Variants in PCDHA10 observed in about 807,000 individuals in gnomAD.
PCDHA10 encodes the protein protocadherin alpha 10, also known as protocadherin alpha-10.
In PCDHA10, 45 loss-of-function variants were observed where a neutral mutation model predicts 61.2. That is an observed-to-expected ratio of 0.74 (90% CI 0.58 to 0.94). PCDHA10 has a LOEUF of 0.94. PCDHA10 is among the 40% of genes least tolerant of loss of function. PCDHA10 has a pLI of 0.00. For missense variants in PCDHA10, 1,278 were observed against 1,236.2 expected (o/e 1.03, Z -0.51); for synonymous variants, 602 against 548.8 (o/e 1.10, Z -1.35).
intron 1 of PCDHA10, among the ~76,000 whole-genome samples, chr5:140,872,240 T>A (rs2053559781): frequency 6.6e-6 from 1 of 152,178 alleles, no homozygotes; most frequent in Non-Finnish European, 1.5e-5. Flanking sequence ...TTGTCTTTAT[T>A]CCTGTGATAA....
At chr5:140,977,978 G>A (rs1401757319) in intron 1 of PCDHA10, among the ~76,000 whole-genome samples, 2 of 152,048 alleles carry the variant, frequency 1.3e-5, no homozygotes, top group Non-Finnish European at 2.9e-5. Flanking sequence ...CCATGAAAAC[G>A]CATCTAGAGG....
intron 3 of PCDHA10, among the ~76,000 whole-genome samples, chr5:141,009,257 C>G (rs1375950001): frequency 6.6e-6 from 1 of 152,136 alleles, no homozygotes; most frequent in Non-Finnish European, 1.5e-5. Flanking sequence ...GTGTTTGAGA[C>G]CAGCCTGGGC....
chr5:140,883,865 T>C, intron 1 of PCDHA10: 2 of 1,613,076 alleles, frequency 1.2e-6, no homozygotes, highest in East Asian at 2.2e-5. Flanking sequence ...GCTGTTGCAG[T>C]TCCAGGTGAG....
intron 1 of PCDHA10, among the ~76,000 whole-genome samples, chr5:140,910,717 T>C (rs1349205242): frequency 1.3e-5 from 2 of 152,142 alleles, no homozygotes; most frequent in African/African-American, 4.8e-5. Flanking sequence ...CATCTTTTAA[T>C]CCATATTTCA....
At position 140,884,430 on chromosome 5, in the gene PCDHA10, T is replaced by G. The variant is rs1554181548; in HGVS notation, c.2388+25994T>G. The G allele has an allele frequency of 2.5e-6, 4 of 1,613,804 alleles. No homozygotes were observed. The African/African-American group carries it at 4.0e-5, about 16-fold the overall frequency. ...CTCACGTTGCTGCTGTATACTGCGC[T>G]GCGGTGCTCGGCACCGCCCACCGAG... On this transcript the variant is annotated intron_variant, in intron 1 of 3. Transcript: ENST00000307360.
At chr5:140,956,666 G>C (rs1232573740) in intron 1 of PCDHA10, among the ~76,000 whole-genome samples, 2 of 152,088 alleles carry the variant, frequency 1.3e-5, no homozygotes, top group African/African-American at 4.8e-5. Context: ...GGCCTTAAAG[G>C]AGTTAGGGAG....
At chr5:140,926,879 C>G in intron 1 of PCDHA10, 1 of 1,534,480 alleles carries the variant, frequency 6.5e-7, no homozygotes, top group Non-Finnish European at 8.8e-7. Flanking sequence ...GGAACGTGGA[C>G]GCCTAGAGGG....
At chr5:140,941,760 T>A (rs1343959883) in intron 1 of PCDHA10, among the ~76,000 whole-genome samples, 2 of 152,234 alleles carry the variant, frequency 1.3e-5, no homozygotes, top group Non-Finnish European at 1.5e-5. Flanking sequence ...TCAGTGCTTT[T>A]AAGATAATTG....
Position 140,858,079 on chromosome 5 carries a change from C to T in PCDHA10, c.2031C>T (p.Ala677=). 5 of 1,597,852 alleles carry T rather than the reference C, an allele frequency of 3.1e-6. No individual in the cohort carries two copies. The highest frequency in any genetic ancestry group is 4.3e-6 in the Non-Finnish European group (5 of 1,167,686). ...SLVEGSQAPK[A]SSRASVGVAP... ...TGGAGGGCAGCCAGGCACCCAAGGC[C>T]TCGTCGCGGGCTTCAGTGGGCGTGG... Residue 677 remains alanine (A), a synonymous_variant, in exon 1 of 4, where the codon GCC becomes GCT. Transcript: ENST00000307360.
At chr5:140,937,869 G>A (rs1268422806) in intron 1 of PCDHA10, among the ~76,000 whole-genome samples, 1 of 150,376 alleles carries the variant, frequency 6.6e-6, no homozygotes, top group African/African-American at 2.5e-5. Flanking sequence ...CCGAGATCGC[G>A]CCACTGCACT....
chr5:140,897,455 T>C (rs1376435296), intron 1 of PCDHA10, among the ~76,000 whole-genome samples: 1 of 151,682 alleles, frequency 6.6e-6, no homozygotes, highest in Non-Finnish European at 1.5e-5. Flanking sequence ...TTTTTGTCCT[T>C]GCGATAGTTT....
At chr5:140,906,059 G>A (rs1583580035) in intron 1 of PCDHA10, among the ~76,000 whole-genome samples, 1 of 152,158 alleles carries the variant, frequency 6.6e-6, no homozygotes, top group South Asian at 2.1e-4. Flanking sequence ...TGCACTGGCA[G>A]CTGATTAGAT....
chr5:140,909,545 C>T (rs2074570694), intron 1 of PCDHA10, among the ~76,000 whole-genome samples: 2 of 152,142 alleles, frequency 1.3e-5, no homozygotes, highest in African/African-American at 4.8e-5. Context: ...TTGATGGTGG[C>T]ACTAATCTCT....
rs782597550 is a variant in PCDHA10 at position 140,934,018 on chromosome 5, TG to T, written c.2389-44929del. ...ACCTCTCATTTTTCTTGACTAGACTTGGAAGTAGTTTATTAATGATATTAGT... is the reference window on the plus strand; with the variant it reads ...ACCTCTCATTTTTCTTGACTAGACTTGAAGTAGTTTATTAATGATATTAGT... On this transcript the variant is annotated intron_variant, in intron 1 of 3. Coordinates refer to ENST00000307360, the MANE Select transcript of PCDHA10 (RefSeq NM_018901.4). Among the ~76,000 whole-genome samples the T allele has an allele frequency of 2.6e-4, 40 of 152,182 alleles. 1 individual carries two copies. The highest frequency in any genetic ancestry group is 3.4e-3 in the Middle Eastern group (1 of 294).
At chr5:140,879,268 A>G (rs1289844412) in intron 1 of PCDHA10, among the ~76,000 whole-genome samples, 1 of 152,268 alleles carries the variant, frequency 6.6e-6, no homozygotes, top group East Asian at 1.9e-4. Flanking sequence ...CCAGATAATG[A>G]CAGACTCAAT....
At chr5:140,930,446 C>T (rs891083222) in intron 1 of PCDHA10, 1 of 151,964 alleles carries the variant, frequency 6.6e-6, no homozygotes, top group Admixed American at 6.6e-5. Context: ...TGGTCTCAAA[C>T]TCCTAGCCTC....
At chr5:140,923,804 ATCT>A (rs1273575266) in intron 1 of PCDHA10, among the ~76,000 whole-genome samples, 1 of 152,220 alleles carries the variant, frequency 6.6e-6, no homozygotes, top group African/African-American at 2.4e-5. Flanking sequence ...CACAAATGAA[ATCT>A]TCTGAAAATA....
In PCDHA10 at chr5:140,857,169, C is replaced by T. The variant is rs199584063; in HGVS notation, c.1121C>T (p.Ser374Phe). Residue 374 changes from serine to phenylalanine, a missense_variant, in exon 1 of 4, where the codon TCT becomes TTT. Coordinates refer to ENST00000307360, the MANE Select transcript of PCDHA10 (RefSeq NM_018901.4). ...VGTVIALISV[S>F]DHDSGANGQV... ...ACCGTCATTGCCCTAATCAGCGTTTCTGACCATGATTCAGGAGCCAACGGA... is the reference window on the plus strand; with the variant it reads ...ACCGTCATTGCCCTAATCAGCGTTTTTGACCATGATTCAGGAGCCAACGGA... 2.2e-5 allele frequency: 35 copies of T among 1,598,474 alleles called. 1 individual carries two copies. The East Asian group carries it at 7.4e-4, about 34-fold the overall frequency.
chr5:140,858,944 T>TA (rs2045667793), intron 1 of PCDHA10: 1 of 159,332 alleles, frequency 6.3e-6, no homozygotes, highest in Admixed American at 6.4e-5. Context: ...TGTTCAGTGA[T>TA]TACAGCTTTT....
Sources: allele counts gnomAD v4.1 joint callset (sites outside exome capture counted in the v4.1 genomes callset), GRCh38; gene constraint gnomAD v4.1.1; transcripts MANE v1.5; gene names NCBI Gene and HGNC (gene_info 2026-07-23, HGNC 2026-07-21).